The following JAKMIP1 variants were observed in gnomAD, a reference collection of about 807,000 sequenced individuals.
The protein encoded by JAKMIP1 is janus kinase and microtubule-interacting protein 1.
Under a neutral mutation model 113.0 loss-of-function variants are expected in JAKMIP1, and 33 were observed. The ratio of observed to expected loss-of-function variants is 0.29; its 90% CI spans 0.22 to 0.39. The LOEUF (loss-of-function observed/expected upper bound fraction) is 0.39. JAKMIP1 is among the 10% of genes least tolerant of loss of function. The pLI, the probability that JAKMIP1 is intolerant of heterozygous loss-of-function variation, is 1.00. For synonymous variants in JAKMIP1, 480 were observed against 459.9 expected, an observed-to-expected ratio of 1.04 and a Z score of -0.56; for missense variants, 813 against 1,080.5, an observed-to-expected ratio of 0.75 and a Z score of 3.47.
At chr4:6,169,784 C>T (rs999772651) in intron 1 of JAKMIP1, among the ~76,000 whole-genome samples, 2 of 151,924 alleles carry the variant, frequency 1.3e-5, no homozygotes, top group Non-Finnish European at 2.9e-5. Context: ...GCCTCAGATG[C>T]CCCACCTGGA....
rs1253012397 is a variant in JAKMIP1, at chr4:6,093,791, A to G, written c.625-8162T>C. Reference sequence around the variant, plus strand: ...AAGAGGTCACTTTCCTCAAAGAAGGAGCCAGGTTTGCCCGTGGTAGGAGTC... The same window carrying G: ...AAGAGGTCACTTTCCTCAAAGAAGGGGCCAGGTTTGCCCGTGGTAGGAGTC... On this transcript the variant is annotated intron_variant, in intron 3 of 20. Coordinates refer to ENST00000409021, the MANE Select transcript of JAKMIP1 (RefSeq NM_001099433.2). This position sits in a 1 kb window ranked among gnomAD's most constrained non-coding sequence, Gnocchi z 4.6. 1.3e-5 allele frequency among the ~76,000 whole-genome samples: 2 copies of G among 152,184 alleles called. No homozygotes were observed. Among genetic ancestry groups the G allele is most frequent in the African/African-American group, 4.8e-5 (2 of 41,450 alleles).
In JAKMIP1 at chr4:6,194,347, A is replaced by G. The variant is rs1727616280; in HGVS notation, c.-148+5906T>C. ...GGGGAAAAAGAATTGCTTCAATGGA[A>G]GACACAGGTTGTGATCTCATTCAAT... On this transcript the variant is annotated intron_variant, in intron 1 of 20. Transcript: ENST00000409021. This position sits in a 1 kb window ranked among gnomAD's most constrained non-coding sequence, Gnocchi z 7.4. 1 of 152,142 alleles carries G rather than the reference A, an allele frequency of 6.6e-6. No individual in the cohort carries two copies. The highest frequency in any genetic ancestry group is 1.5e-5 in the Non-Finnish European group (1 of 68,038). The allele number at this position is 152,142 out of a possible 1,614,324, so 9.4% of individuals were successfully genotyped here.
chr4:6,030,130 G>A (rs150308508), intron 19 of JAKMIP1, among the ~76,000 whole-genome samples: 2 of 152,192 alleles, frequency 1.3e-5, no homozygotes, highest in African/African-American at 4.8e-5. Context: ...ACAAAACATC[G>A]AGACTGGACC....
Position 6,089,633 on chromosome 4 carries a change from A to C in JAKMIP1, c.625-4004T>G, listed in dbSNP as rs905972209. 6.6e-5 allele frequency among the ~76,000 whole-genome samples: 10 copies of C among 152,210 alleles called. No homozygotes were observed. Among genetic ancestry groups the C allele is most frequent in the African/African-American group, 1.9e-4 (8 of 41,450 alleles). On this transcript the variant is annotated intron_variant, in intron 3 of 20. Transcript: ENST00000409021. The surrounding 1 kb of genome is among the most constrained non-coding windows in gnomAD (Gnocchi z 5.3). ...AAGGAACAGAGTCCGGTTGTTTCTA[A>C]GCAGTCAAGTCCACCAGGAAATGTA...
chr4:6,141,178 G>A lies in JAKMIP1; in HGVS notation c.-147-28181C>T, dbSNP rs11930155. The stretch of plus-strand genomic sequence containing the variant: ...AGGCCGGGCGCAGTGGCTCATGCCT[G>A]TAATCCCAACACTTTGGGATGCTGA... On this transcript the variant is annotated intron_variant, in intron 1 of 20. Transcript: ENST00000409021. The surrounding 1 kb of genome is among the most constrained non-coding windows in gnomAD (Gnocchi z 9.4). 7.4e-3 allele frequency among the ~76,000 whole-genome samples: 1,121 copies of A among 152,328 alleles called. 19 individuals are homozygous for A. The highest frequency in any genetic ancestry group is 0.026 in the African/African-American group (1,078 of 41,556).
At chr4:6,096,766 A>G (rs940217200) in intron 3 of JAKMIP1, among the ~76,000 whole-genome samples, 1 of 152,238 alleles carries the variant, frequency 6.6e-6, no homozygotes, top group African/African-American at 2.4e-5. Flanking sequence ...GAATATTTGC[A>G]CATACATAGT....
chr4:6,122,243 T>C (rs1312659893), intron 1 of JAKMIP1, among the ~76,000 whole-genome samples: 1 of 152,142 alleles, frequency 6.6e-6, no homozygotes, highest in Non-Finnish European at 1.5e-5. Flanking sequence ...GGAGATTCGC[T>C]TGAACCTAGG....
At position 6,081,494 on chromosome 4, in the gene JAKMIP1, TG is replaced by T; in HGVS notation, c.1101+114del. On this transcript the variant is annotated intron_variant, in intron 6 of 20. Coordinates refer to ENST00000409021, the MANE Select transcript of JAKMIP1 (RefSeq NM_001099433.2). The surrounding 1 kb of genome is among the most constrained non-coding windows in gnomAD (Gnocchi z 4.6). ...GACTGACACTGTGCCTGGTGCTTTGTGGGGAGGTGGGCAGCAGGTGCGCCCC... is the reference window on the plus strand; with the variant it reads ...GACTGACACTGTGCCTGGTGCTTTGTGGGAGGTGGGCAGCAGGTGCGCCCC... 8.9e-7 allele frequency: 1 copy of T among 1,120,506 alleles called. No homozygotes were observed. Among genetic ancestry groups the T allele is most frequent in the Non-Finnish European group, 1.3e-6 (1 of 765,982 alleles). The allele number at this position is 1,120,506 out of a possible 1,614,324, so 69.4% of individuals were successfully genotyped here.
intron 1 of JAKMIP1, among the ~76,000 whole-genome samples, chr4:6,147,829 A>G (rs1721038794): frequency 6.6e-6 from 1 of 152,230 alleles, no homozygotes; most frequent in East Asian, 1.9e-4. Flanking sequence ...TCCCTCTGAC[A>G]TGGCCACCCT....
In JAKMIP1 at chr4:6,136,373, A is replaced by G. The variant is rs1045414265; in HGVS notation, c.-147-23376T>C. Among the ~76,000 whole-genome samples, 12 of 151,934 alleles carry G rather than the reference A, an allele frequency of 7.9e-5. No individual in the cohort carries two copies. The highest frequency in any genetic ancestry group is 1.2e-4 in the Non-Finnish European group (8 of 67,984). ...AATATTTAAGTACTTCTGACAAATC[A>G]GTACCCTAGTGATAATATCTCCCAC... is the stretch of plus-strand genomic sequence containing the variant. On this transcript the variant is annotated intron_variant, in intron 1 of 20. Transcript: ENST00000409021. This position sits in a 1 kb window ranked among gnomAD's most constrained non-coding sequence, Gnocchi z 5.9.
At chr4:6,056,571 C>A in intron 12 of JAKMIP1, 126 bp downstream of exon 12, 1 of 718,698 alleles carries the variant, frequency 1.4e-6, no homozygotes, top group Admixed American at 2.0e-5. Flanking sequence ...GGGAGGTGTG[C>A]AGGACCCGAG....
rs374415973 is a variant in JAKMIP1 at position 6,193,047 on chromosome 4, C to A, written c.-148+7206G>T. 5.3e-5 allele frequency among the ~76,000 whole-genome samples: 8 copies of A among 152,156 alleles called. No homozygotes were observed. The highest frequency in any genetic ancestry group is 8.8e-5 in the Non-Finnish European group (6 of 68,022). On this transcript the variant is annotated intron_variant, in intron 1 of 20. Coordinates refer to ENST00000409021, the MANE Select transcript of JAKMIP1 (RefSeq NM_001099433.2). The surrounding 1 kb of genome is among the most constrained non-coding windows in gnomAD (Gnocchi z 6.4). Reference sequence around the variant, plus strand: ...TCAGTGTGGGTGGGCACCATCTAATCGGCTGCCAGCGTGGCTAGAATAAAG... The same window carrying A: ...TCAGTGTGGGTGGGCACCATCTAATAGGCTGCCAGCGTGGCTAGAATAAAG...
At chr4:6,109,740 G>A (rs1714608205) in intron 2 of JAKMIP1, among the ~76,000 whole-genome samples, 1 of 152,060 alleles carries the variant, frequency 6.6e-6, no homozygotes, top group African/African-American at 2.4e-5. Flanking sequence ...GTGTTCAACA[G>A]GGATGCTTTG....
chr4:6,085,779 G>T (rs1198276791), intron 3 of JAKMIP1, 150 bp from the exon 4 acceptor site: 1 of 667,062 alleles, frequency 1.5e-6, no homozygotes, highest in Non-Finnish European at 2.6e-6. Flanking sequence ...CACAGAGCAA[G>T]CACAGCCCGC....
chr4:6,049,835 A>G lies in JAKMIP1; in HGVS notation c.1946T>C (p.Ile649Thr). The G allele has an allele frequency of 1.2e-6, 2 of 1,612,758 alleles. No individual in the cohort carries two copies. Among genetic ancestry groups the G allele is most frequent in the Non-Finnish European group, 1.7e-6 (2 of 1,178,828 alleles). Reference sequence around the variant, plus strand: ...CATAGTTACCCCGTTATCGCCAAGGATATCTAATTTCTTCATAAGTTCAGA... The same window carrying G: ...CATAGTTACCCCGTTATCGCCAAGGGTATCTAATTTCTTCATAAGTTCAGA... ...NVSELMKKLDILGDNGNLRNE... is the reference protein window; with the variant it reads ...NVSELMKKLDTLGDNGNLRNE... Residue 649 changes from isoleucine to threonine, a missense_variant, in exon 15 of 21, where the codon ATC (isoleucine) becomes ACC (threonine). Ile to Thr is a moderately conservative substitution (Grantham distance 89). Around this residue, in one of 2 missense-constraint regions of JAKMIP1, gnomAD observed 273 missense variants for 426.6 expected, o/e 0.64. Coordinates refer to ENST00000409021, the MANE Select transcript of JAKMIP1 (RefSeq NM_001099433.2). This position sits in a 1 kb window ranked among gnomAD's most constrained non-coding sequence, Gnocchi z 7.0.
At position 6,116,451 on chromosome 4, in the gene JAKMIP1, A is replaced by T. The variant is rs1170245947; in HGVS notation, c.-147-3454T>A. The stretch of plus-strand genomic sequence containing the variant: ...AGGCTGGAGGATGACTGCTCAGGAC[A>T]CACAGGAGGCGGAGTCCTCAGAGAA... On this transcript the variant is annotated intron_variant, in intron 1 of 20. Transcript: ENST00000409021. This position sits in a 1 kb window ranked among gnomAD's most constrained non-coding sequence, Gnocchi z 5.1. Among the ~76,000 whole-genome samples, 1 of 152,136 alleles carries T rather than the reference A, an allele frequency of 6.6e-6. No homozygotes were observed. Among genetic ancestry groups the T allele is most frequent in the African/African-American group, 2.4e-5 (1 of 41,428 alleles).
chr4:6,075,837 A>G (rs1367342646), intron 8 of JAKMIP1, among the ~76,000 whole-genome samples: 2 of 152,232 alleles, frequency 1.3e-5, no homozygotes, highest in African/African-American at 4.8e-5. Flanking sequence ...ATCACGATTC[A>G]ATTCCAACCC....
chr4:6,145,178 A>G (rs1422169424), intron 1 of JAKMIP1, among the ~76,000 whole-genome samples: 1 of 152,234 alleles, frequency 6.6e-6, no homozygotes, highest in Non-Finnish European at 1.5e-5. Context: ...CATGATCATT[A>G]ATAATGAATC....
chr4:6,171,787 G>T (rs779132797), intron 1 of JAKMIP1, among the ~76,000 whole-genome samples: 1 of 152,164 alleles, frequency 6.6e-6, no homozygotes, highest in Non-Finnish European at 1.5e-5. Flanking sequence ...GCACGGAATC[G>T]AGGCTCGTTC....
Sources: allele counts gnomAD v4.1 joint callset (sites outside exome capture counted in the v4.1 genomes callset), GRCh38; gene constraint gnomAD v4.1.1; regional missense constraint gnomAD v4.1.1; non-coding constraint Gnocchi (gnomAD v3.1); transcripts MANE v1.5; gene names NCBI Gene and HGNC (gene_info 2026-07-23, HGNC 2026-07-21).